The following ALMS1 variants were observed in gnomAD, a reference collection of about 807,000 sequenced individuals.
The protein encoded by ALMS1 is centrosome-associated protein ALMS1.
A neutral mutation model predicts 352.2 loss-of-function variants in ALMS1; 271 were observed. The ratio of observed to expected loss-of-function variants is 0.77; its 90% confidence interval spans 0.70 to 0.85. The LOEUF (loss-of-function observed/expected upper bound fraction) is 0.85, where lower values mean the gene tolerates loss of function less well. Ranked by LOEUF, ALMS1 falls within the 40% of genes least tolerant of loss-of-function variation. ALMS1 has a pLI of 0.00. For missense variants in ALMS1, 5,445 were observed against 4,870.7 expected, an observed-to-expected ratio of 1.12 and a Z score of -3.51; for synonymous variants, 1,865 against 1,761.2, an observed-to-expected ratio of 1.06 and a Z score of -1.48.
At chr2:73,395,469 CT>C (rs1203960544) in intron 1 of ALMS1, among the ~76,000 whole-genome samples, 1 of 152,054 alleles carries the variant, frequency 6.6e-6, no homozygotes, top group Admixed American at 6.6e-5. Flanking sequence ...ATTAGATCTT[CT>C]TTAAATTTCA....
At chr2:73,501,037 T>C (rs1452481313) in intron 10 of ALMS1, among the ~76,000 whole-genome samples, 2 of 152,196 alleles carry the variant, frequency 1.3e-5, no homozygotes, top group Non-Finnish European at 2.9e-5. Context: ...ATTCTAAATG[T>C]GAGTATGAAA....
At chr2:73,394,091 G>C (rs1194217553) in intron 1 of ALMS1, among the ~76,000 whole-genome samples, 1 of 151,950 alleles carries the variant, frequency 6.6e-6, no homozygotes, top group Non-Finnish European at 1.5e-5. Flanking sequence ...AATGTGCTGG[G>C]ATTACAGGCG....
At chr2:73,429,248 T>G (rs547039583) in intron 6 of ALMS1, among the ~76,000 whole-genome samples, 2 of 151,968 alleles carry the variant, frequency 1.3e-5, no homozygotes, top group African/African-American at 2.4e-5. Flanking sequence ...TCTTTCTCCT[T>G]TTTCTTGGTA....
intron 2 of ALMS1, among the ~76,000 whole-genome samples, chr2:73,409,551 A>T (rs1397919627): frequency 6.6e-6 from 1 of 152,220 alleles, no homozygotes; most frequent in African/African-American, 2.4e-5. Context: ...AACCTATTAC[A>T]TATTACCATA....
chr2:73,553,168 A>C (rs72911350), intron 13 of ALMS1, among the ~76,000 whole-genome samples: 70 of 152,344 alleles, frequency 4.6e-4, no homozygotes, highest in African/African-American at 1.6e-3. Context: ...CATTCCATAT[A>C]AAGAAATGGA....
In ALMS1 at chr2:73,557,476, T is replaced by G. The variant is rs1674571298; in HGVS notation, c.10213+122T>G. ...CTTCTTGCTGTCTTCAGCTCTCTTC[T>G]ATCTCATGTATATATGAAATAGTTA... On this transcript the variant is annotated intron_variant, in intron 14 of 22. Coordinates refer to ENST00000613296, the MANE Select transcript of ALMS1 (RefSeq NM_001378454.1). 2.4e-6 allele frequency: 3 copies of G among 1,260,420 alleles called. No homozygotes were observed. In the African/African-American group the frequency reaches 4.5e-5, roughly 19 times the overall value. 78.1% of individuals were successfully genotyped at this position (1,260,420 alleles called of 1,614,324 possible). A position where few individuals can be genotyped will look rare whatever the true frequency, so the allele number is the denominator to read the frequency against.
At chr2:73,475,801 G>A (rs1005286099) in intron 9 of ALMS1, among the ~76,000 whole-genome samples, 1 of 152,024 alleles carries the variant, frequency 6.6e-6, no homozygotes, top group East Asian at 1.9e-4. Flanking sequence ...GGGTCACAAA[G>A]ATTTAGTGTT....
chr2:73,524,551 G>T (rs571483070), intron 11 of ALMS1, among the ~76,000 whole-genome samples: 1 of 152,168 alleles, frequency 6.6e-6, no homozygotes, highest in Non-Finnish European at 1.5e-5. Flanking sequence ...TGCCTCCTTG[G>T]TTCAAGCAAT....
chr2:73,541,137 G>A (rs539379229), intron 12 of ALMS1, among the ~76,000 whole-genome samples: 1 of 152,162 alleles, frequency 6.6e-6, no homozygotes, highest in Admixed American at 6.5e-5. Context: ...GCACTCCTCA[G>A]CAAATGTAAA....
At chr2:73,474,950 A>G (rs999563311) in intron 9 of ALMS1, among the ~76,000 whole-genome samples, 3 of 152,022 alleles carry the variant, frequency 2.0e-5, no homozygotes, top group African/African-American at 7.2e-5. Flanking sequence ...TTCTCTCCCA[A>G]TTCTTTTTTG....
intron 16 of ALMS1, among the ~76,000 whole-genome samples, chr2:73,579,416 A>G (rs1044216993): frequency 6.6e-6 from 1 of 151,296 alleles, no homozygotes; most frequent in African/African-American, 2.4e-5. Flanking sequence ...GCTGGAGTAC[A>G]GTGGCGTGAT....
At position 73,452,436 on chromosome 2, in the gene ALMS1, T is replaced by A. The variant is rs765405386; in HGVS notation, c.5909T>A (p.Val1970Asp). ...GAAGAGGCTCTGAAAGTTTCACCTGTTTCTATACCAGCAGAGCAGAAGACT... is the reference window on the plus strand; with the variant it reads ...GAAGAGGCTCTGAAAGTTTCACCTGATTCTATACCAGCAGAGCAGAAGACT... ...LTEEALKVSP[V>D]SIPAEQKTGI... The change falls in exon 8 of 23, where the codon GTT (valine) becomes GAT (aspartate). Residue 1970 changes from valine (V) to aspartate (D), a missense_variant. By Grantham distance (152) the Val-to-Asp change is radical. Coordinates refer to ENST00000613296, the MANE Select transcript of ALMS1 (RefSeq NM_001378454.1). 1 of 1,614,016 alleles carries A rather than the reference T, an allele frequency of 6.2e-7. No individual in the cohort carries two copies. Among genetic ancestry groups the A allele is most frequent in the Admixed American group, 1.7e-5 (1 of 59,986 alleles).
At chr2:73,588,172 C>T (rs1675349289) in intron 16 of ALMS1, among the ~76,000 whole-genome samples, 1 of 152,154 alleles carries the variant, frequency 6.6e-6, no homozygotes, top group African/African-American at 2.4e-5. Context: ...TATGTGAAAC[C>T]AGTATCACCC....
intron 2 of ALMS1, among the ~76,000 whole-genome samples, chr2:73,412,516 G>A (rs1387994936): frequency 2.0e-5 from 3 of 152,160 alleles, no homozygotes; most frequent in Non-Finnish European, 4.4e-5. Flanking sequence ...ATGGCTGGAC[G>A]TGGTGGCTCA....
rs1336665759 is a variant in ALMS1, at chr2:73,602,168, T to C, written c.12115-17T>C. ...TTAATCTGAGGCTGGGCATTTTCTC[T>C]TTTTTTTTTCTTTTAGGAATCGCTT... On this transcript the variant is annotated splice_polypyrimidine_tract_variant and intron_variant, in intron 19 of 22. Transcript: ENST00000613296. 1 of 1,463,474 alleles carries C rather than the reference T, an allele frequency of 6.8e-7. No individual in the cohort carries two copies. Among genetic ancestry groups the C allele is most frequent in the African/African-American group, 1.4e-5 (1 of 69,754 alleles). 90.7% of individuals were successfully genotyped at this position (1,463,474 alleles called of 1,614,324 possible).
chr2:73,530,717 C>T (rs1296907807), intron 11 of ALMS1, among the ~76,000 whole-genome samples: 2 of 152,234 alleles, frequency 1.3e-5, no homozygotes, highest in Non-Finnish European at 2.9e-5. Context: ...TCTGCCCCTG[C>T]AGCAGACTTC....
chr2:73,389,705 G>A (rs1012627534), intron 1 of ALMS1, among the ~76,000 whole-genome samples: 42 of 151,102 alleles, frequency 2.8e-4, no homozygotes, highest in African/African-American at 9.5e-4. Context: ...TTTTTCCCCC[G>A]CCGAGATGAA....
chr2:73,543,640 A>C (rs1674243113), intron 12 of ALMS1, among the ~76,000 whole-genome samples: 2 of 152,190 alleles, frequency 1.3e-5, no homozygotes, highest in African/African-American at 4.8e-5. Flanking sequence ...TAATATCCAG[A>C]ATCTACAATG....
intron 10 of ALMS1, among the ~76,000 whole-genome samples, chr2:73,509,163 C>T (rs1368475503): frequency 3.3e-5 from 5 of 152,150 alleles, no homozygotes; most frequent in African/African-American, 1.2e-4. Context: ...AGATGCGTCT[C>T]CTGAATACAG....
Sources: allele counts gnomAD v4.1 joint callset (sites outside exome capture counted in the v4.1 genomes callset), GRCh38; gene constraint gnomAD v4.1.1; transcripts MANE v1.5; gene names NCBI Gene and HGNC (gene_info 2026-07-23, HGNC 2026-07-21).